Variants in PCDHGA12 observed in about 807,000 individuals in gnomAD.
The protein encoded by PCDHGA12 is protocadherin gamma subfamily A, 12, also known as protocadherin gamma-A12.
In PCDHGA12, 43 loss-of-function variants were observed where a neutral mutation model predicts 61.1. The ratio of observed to expected loss-of-function variants is 0.70; its 90% CI spans 0.55 to 0.91. The LOEUF is 0.91. Among genes scored for constraint, PCDHGA12 ranks in the 40% least tolerant of loss-of-function variants. The pLI, the probability that PCDHGA12 is intolerant of heterozygous loss-of-function variation, is 0.00. For synonymous variants in PCDHGA12, 520 were observed against 542.9 expected, an observed-to-expected ratio of 0.96 and a Z score of 0.59; for missense variants, 1,236 against 1,227.7, an observed-to-expected ratio of 1.01 and a Z score of -0.10.
At chr5:141,507,676 A>G (rs2099862523) in intron 3 of PCDHGA12, among the ~76,000 whole-genome samples, 1 of 152,252 alleles carries the variant, frequency 6.6e-6, no homozygotes, top group African/African-American at 2.4e-5. Flanking sequence ...TCCAGATGTT[A>G]AAAACAGAAA....
At chr5:141,509,551 C>T (rs2099877337) in intron 3 of PCDHGA12, among the ~76,000 whole-genome samples, 1 of 152,164 alleles carries the variant, frequency 6.6e-6, no homozygotes, top group South Asian at 2.1e-4. Context: ...CTCATTTAGT[C>T]CTCACAGCAG....
Position 141,487,830 on chromosome 5 carries a change from T to C in PCDHGA12, c.2425-6977T>C, listed in dbSNP as rs1410090651. On this transcript the variant is annotated intron_variant, in intron 1 of 3. Transcript: ENST00000252085. This position sits in a 1 kb window ranked among gnomAD's most constrained non-coding sequence, Gnocchi z 5.0. ...TTTAGCATTGGGGGCGGGTCATGCC[T>C]ATATCTGAGTAAGAAATGAAAGTAA... The C allele has an allele frequency of 3.5e-6, 4 of 1,139,942 alleles. No homozygotes were observed. The highest frequency in any genetic ancestry group is 1.6e-5 in the African/African-American group (1 of 63,734). The allele number at this position is 1,139,942 out of a possible 1,614,324, so 70.6% of individuals were successfully genotyped here.
chr5:141,467,063 T>C (rs1405374001), intron 1 of PCDHGA12, among the ~76,000 whole-genome samples: 2 of 151,716 alleles, frequency 1.3e-5, no homozygotes, highest in African/African-American at 2.4e-5. Flanking sequence ...TTCTTTTTTT[T>C]TTTTTTTTAG....
intron 1 of PCDHGA12, among the ~76,000 whole-genome samples, chr5:141,449,061 A>G (rs1280366583): frequency 1.3e-5 from 2 of 152,190 alleles, no homozygotes; most frequent in Non-Finnish European, 2.9e-5. Context: ...AATGAGCGCT[A>G]TTGAATAGCC....
Position 141,493,760 on chromosome 5 carries a change from G to C in PCDHGA12, c.2425-1047G>C, listed in dbSNP as rs1268832909. On this transcript the variant is annotated intron_variant, in intron 1 of 3. Coordinates refer to ENST00000252085, the MANE Select transcript of PCDHGA12 (RefSeq NM_003735.3). The surrounding 1 kb of genome is among the most constrained non-coding windows in gnomAD (Gnocchi z 4.3). ...ACTGCCACCTGTGAGCCTTGAGTGA[G>C]CCACTGGCAGTTCCGGAGCTTCCTT... Among the ~76,000 whole-genome samples, 1 of 152,166 alleles carries C rather than the reference G, an allele frequency of 6.6e-6. No individual in the cohort carries two copies. The highest frequency in any genetic ancestry group is 1.5e-5 in the Non-Finnish European group (1 of 68,022).
chr5:141,511,695 C>A lies in PCDHGA12; in HGVS notation c.*522C>A, dbSNP rs1009832192. The A allele has an allele frequency of 9.7e-5, 19 of 195,544 alleles. No individual in the cohort carries two copies. The highest frequency in any genetic ancestry group is 1.7e-4 in the Non-Finnish European group (16 of 92,634). 12.1% of individuals were successfully genotyped at this position (195,544 alleles called of 1,614,324 possible). A position where few individuals can be genotyped will look rare whatever the true frequency, so the allele number is the denominator to read the frequency against. On this transcript the variant is annotated 3_prime_UTR_variant, in exon 4 of 4. Transcript: ENST00000252085. ...CTTCCCCCAAAGCATGGTTTGGTGC[C>A]AGCCCCTTCACCTCCTTCCAGAGCC...
At chr5:141,478,295 T>C (rs1210224121) in intron 1 of PCDHGA12, 5 of 1,614,004 alleles carry the variant, frequency 3.1e-6, no homozygotes, top group African/African-American at 2.7e-5. Flanking sequence ...TAGAGACCTA[T>C]ACCGAGCCCC....
At chr5:141,496,146 G>A (rs749790409) in intron 2 of PCDHGA12, among the ~76,000 whole-genome samples, 1 of 151,170 alleles carries the variant, frequency 6.6e-6, no homozygotes, top group Non-Finnish European at 1.5e-5. Flanking sequence ...GCCTTTGATC[G>A]CAGCTCTCCA....
At chr5:141,445,294 T>G (rs1012635904) in intron 1 of PCDHGA12, among the ~76,000 whole-genome samples, 2 of 152,238 alleles carry the variant, frequency 1.3e-5, no homozygotes. Flanking sequence ...CAGGCTTCCA[T>G]TCTCTTCAGT....
At chr5:141,506,487 G>A (rs1265051912) in intron 3 of PCDHGA12, among the ~76,000 whole-genome samples, 3 of 150,464 alleles carry the variant, frequency 2.0e-5, no homozygotes, top group Non-Finnish European at 4.4e-5. Flanking sequence ...TTAGAGGCAG[G>A]CCAATCTGGA....
At chr5:141,464,279 C>CAAA (rs373828487) in intron 1 of PCDHGA12, among the ~76,000 whole-genome samples, 8 of 137,748 alleles carry the variant, frequency 5.8e-5, no homozygotes, top group Admixed American at 1.5e-4. Flanking sequence ...AAAAAAAAAG[C>CAAA]AAAAAAAAAA....
Position 141,487,522 on chromosome 5 carries a change from T to G in PCDHGA12, c.2425-7285T>G, listed in dbSNP as rs764726787. Reference sequence around the variant, plus strand: ...TGGCTTCTGCACCCACTCGGAGTGATAGCTTCATGATGGTGAAGTCACCCA... The same window carrying G: ...TGGCTTCTGCACCCACTCGGAGTGAGAGCTTCATGATGGTGAAGTCACCCA... On this transcript the variant is annotated intron_variant, in intron 1 of 3. Transcript: ENST00000252085. This position sits in a 1 kb window ranked among gnomAD's most constrained non-coding sequence, Gnocchi z 5.0. The G allele has an allele frequency of 6.2e-7, 1 of 1,614,166 alleles. No individual in the cohort carries two copies. The highest frequency in any genetic ancestry group is 8.5e-7 in the Non-Finnish European group (1 of 1,180,022).
chr5:141,495,199 G>A (rs1205495643), intron 2 of PCDHGA12, among the ~76,000 whole-genome samples: 1 of 152,164 alleles, frequency 6.6e-6, no homozygotes, highest in African/African-American at 2.4e-5. Context: ...CCCATGTACT[G>A]CCTAACCCCC....
chr5:141,456,712 C>T (rs1025899058), intron 1 of PCDHGA12, among the ~76,000 whole-genome samples: 2 of 152,190 alleles, frequency 1.3e-5, no homozygotes, highest in African/African-American at 4.8e-5. Context: ...CGCCTGTAAT[C>T]CCAGCACTTT....
At chr5:141,470,252 C>T (rs1010559144) in intron 1 of PCDHGA12, among the ~76,000 whole-genome samples, 3 of 152,160 alleles carry the variant, frequency 2.0e-5, no homozygotes, top group Admixed American at 1.3e-4. Context: ...TCCCACCTGT[C>T]TAAATGGAGA....
chr5:141,457,264 C>T (rs2098915249), intron 1 of PCDHGA12, among the ~76,000 whole-genome samples: 1 of 152,142 alleles, frequency 6.6e-6, no homozygotes, highest in South Asian at 2.1e-4. Flanking sequence ...ATAGAATTCC[C>T]CTCTGTGGGC....
intron 1 of PCDHGA12, among the ~76,000 whole-genome samples, chr5:141,471,855 G>A (rs955016680): frequency 3.3e-5 from 5 of 152,108 alleles, no homozygotes; most frequent in Non-Finnish European, 7.4e-5. Context: ...TTCAGAAAAA[G>A]CAAAACTGTG....
At chr5:141,501,198 G>C (rs2299024) in intron 2 of PCDHGA12, among the ~76,000 whole-genome samples, 89,086 of 151,686 alleles carry the variant, frequency 0.59, 27,759 homozygotes, top group African/African-American at 0.8. Context: ...TAAATTCAGG[G>C]TGTTGTCAGG....
At position 141,431,427 on chromosome 5, in the gene PCDHGA12, C is replaced by G. The variant is rs1269666597; in HGVS notation, c.668C>G (p.Thr223Arg). The stretch of plus-strand genomic sequence containing the variant: ...TCCGACGGGGGCGACCCGGTGCGCA[C>G]AGGCACCGCGCGCATCCGCGTGATG... The part of the protein sequence containing the change: ...TASDGGDPVR[T>R]GTARIRVMVL... Residue 223 changes from threonine (T) to arginine (R), a missense_variant, in exon 1 of 4, where the codon ACA becomes AGA. Transcript: ENST00000252085. The surrounding 1 kb of genome is among the most constrained non-coding windows in gnomAD (Gnocchi z 4.8). 1.2e-6 allele frequency: 2 copies of G among 1,613,584 alleles called. No homozygotes were observed.
Sources: allele counts gnomAD v4.1 joint callset (sites outside exome capture counted in the v4.1 genomes callset), GRCh38; gene constraint gnomAD v4.1.1; non-coding constraint Gnocchi (gnomAD v3.1); transcripts MANE v1.5; gene names NCBI Gene and HGNC (gene_info 2026-07-23, HGNC 2026-07-21).